The following CNTNAP2 variants were observed in gnomAD, a reference collection of about 807,000 sequenced individuals.
The protein encoded by CNTNAP2 is contactin associated protein 2.
CNTNAP2 carries 98 observed loss-of-function variants against 155.2 expected under a neutral mutation model. That is an observed-to-expected ratio of 0.63 (90% CI 0.54 to 0.75). The LOEUF (loss-of-function observed/expected upper bound fraction) is 0.75, where lower values mean the gene tolerates loss of function less well. Among genes scored for constraint, CNTNAP2 ranks in the 30% least tolerant of loss-of-function variants. CNTNAP2 has a pLI of 0.00. For missense variants in CNTNAP2, 1,727 were observed against 1,688.1 expected, an observed-to-expected ratio of 1.02 and a Z score of -0.40; for synonymous variants, 651 against 631.2, an observed-to-expected ratio of 1.03 and a Z score of -0.47.
chr7:146,374,206 A>G (rs1289474022), intron 1 of CNTNAP2, among the ~76,000 whole-genome samples: 1 of 152,212 alleles, frequency 6.6e-6, no homozygotes, highest in Non-Finnish European at 1.5e-5. Context: ...GTGGCTTTAA[A>G]TGTTCTAATT....
chr7:147,244,644 A>G (rs1804017710), intron 8 of CNTNAP2, among the ~76,000 whole-genome samples: 1 of 152,186 alleles, frequency 6.6e-6, no homozygotes, highest in Admixed American at 6.5e-5. Context: ...GATACACATA[A>G]CAAATAGGTA....
intron 10 of CNTNAP2, among the ~76,000 whole-genome samples, chr7:147,429,914 T>C (rs745719128): frequency 1.8e-4 from 27 of 152,286 alleles, no homozygotes; most frequent in Non-Finnish European, 3.5e-4. Flanking sequence ...GTTCCATTGG[T>C]GTACATCCTT....
At chr7:146,928,918 A>G (rs1273438650) in intron 3 of CNTNAP2, among the ~76,000 whole-genome samples, 4 of 152,212 alleles carry the variant, frequency 2.6e-5, no homozygotes, top group Non-Finnish European at 5.9e-5. Context: ...TTGCTTAGGT[A>G]AACAAAGCAG....
At chr7:148,128,542 T>A (rs935397431) in intron 16 of CNTNAP2, among the ~76,000 whole-genome samples, 1 of 152,144 alleles carries the variant, frequency 6.6e-6, no homozygotes, top group Non-Finnish European at 1.5e-5. Flanking sequence ...TTAATAAATA[T>A]TAAAAGATAT....
chr7:146,569,001 T>A lies in CNTNAP2; in HGVS notation c.98-205270T>A, dbSNP rs543313226. On this transcript the variant is annotated intron_variant, in intron 1 of 23. Transcript: ENST00000361727. ...TGTGGTTACTTCTTTTTATTTTTTT[T>A]ATTTTTAATTATTTATTTATTTATT... Among the ~76,000 whole-genome samples, 34 of 151,650 alleles carry A rather than the reference T, an allele frequency of 2.2e-4. 1 individual carries two copies. The East Asian group carries it at 5.6e-3, about 25-fold the overall frequency.
intron 9 of CNTNAP2, among the ~76,000 whole-genome samples, chr7:147,315,992 T>C (rs1400316532): frequency 6.6e-6 from 1 of 152,088 alleles, no homozygotes; most frequent in Non-Finnish European, 1.5e-5. Flanking sequence ...TATGAGACAC[T>C]TATTCATTCA....
intron 8 of CNTNAP2, among the ~76,000 whole-genome samples, chr7:147,167,030 G>T (rs896335584): frequency 6.6e-6 from 1 of 152,002 alleles, no homozygotes; most frequent in Non-Finnish European, 1.5e-5. Context: ...AGGCTGCTTT[G>T]TTTTTTTAAT....
chr7:147,565,435 A>G (rs1800151833), intron 12 of CNTNAP2, among the ~76,000 whole-genome samples: 1 of 152,152 alleles, frequency 6.6e-6, no homozygotes, highest in Non-Finnish European at 1.5e-5. Flanking sequence ...TTTAAGCAGG[A>G]AAATAAGATC....
chr7:146,724,124 A>C (rs2129178117), intron 1 of CNTNAP2, among the ~76,000 whole-genome samples: 1 of 152,296 alleles, frequency 6.6e-6, no homozygotes, highest in East Asian at 1.9e-4. Flanking sequence ...GAGAAACTGA[A>C]GAATCAACAC....
chr7:146,123,820 T>A (rs747038724), intron 1 of CNTNAP2, among the ~76,000 whole-genome samples: 5 of 152,182 alleles, frequency 3.3e-5, no homozygotes, highest in Non-Finnish European at 7.3e-5. Flanking sequence ...GGTGCTTCTA[T>A]TTTTAATAGA....
At chr7:147,751,574 T>C (rs1797136549) in intron 13 of CNTNAP2, among the ~76,000 whole-genome samples, 1 of 152,220 alleles carries the variant, frequency 6.6e-6, no homozygotes, top group African/African-American at 2.4e-5. Context: ...CATCGTCCCT[T>C]AACACCAAGA....
chr7:146,291,441 C>T (rs975021095), intron 1 of CNTNAP2, among the ~76,000 whole-genome samples: 1 of 152,164 alleles, frequency 6.6e-6, no homozygotes, highest in Non-Finnish European at 1.5e-5. Flanking sequence ...GGAACACAGC[C>T]ATCCCCATTT....
chr7:146,770,079 A>G (rs565224803), intron 1 of CNTNAP2, among the ~76,000 whole-genome samples: 3 of 152,298 alleles, frequency 2.0e-5, no homozygotes, highest in Admixed American at 2.0e-4. Flanking sequence ...TCAACTAACA[A>G]CAACCCTACA....
chr7:147,555,701 G>A (rs1165150870), intron 11 of CNTNAP2, among the ~76,000 whole-genome samples: 2 of 152,110 alleles, frequency 1.3e-5, no homozygotes, highest in East Asian at 3.9e-4. Context: ...TTCTCACATG[G>A]GTTAATACCC....
rs748687668 is a variant in CNTNAP2, at chr7:147,980,521, GT to G, written c.2383+2533del. Among the ~76,000 whole-genome samples, 57 of 152,282 alleles carry G rather than the reference GT, an allele frequency of 3.7e-4. 1 individual carries two copies. The highest frequency in any genetic ancestry group is 9.7e-4 in the East Asian group (5 of 5,176). On this transcript the variant is annotated intron_variant, in intron 15 of 23. Coordinates refer to ENST00000361727, the MANE Select transcript of CNTNAP2 (RefSeq NM_014141.6). ...TTATGTAGAATACTTTTGTGTCTGT[GT>G]GAGAGAGAGAAATCTCATTGTTTTC...
intron 1 of CNTNAP2, among the ~76,000 whole-genome samples, chr7:146,676,381 T>C (rs1800397951): frequency 6.6e-6 from 1 of 152,042 alleles, no homozygotes; most frequent in African/African-American, 2.4e-5. Flanking sequence ...GATTACAACC[T>C]GGGAGCATTG....
At chr7:147,718,938 T>G (rs1796522107) in intron 13 of CNTNAP2, among the ~76,000 whole-genome samples, 1 of 152,168 alleles carries the variant, frequency 6.6e-6, no homozygotes, top group Admixed American at 6.5e-5. Flanking sequence ...TAAACACTTT[T>G]TAATAACTGT....
At chr7:148,307,613 G>T (rs1797511753) in intron 21 of CNTNAP2, among the ~76,000 whole-genome samples, 1 of 152,164 alleles carries the variant, frequency 6.6e-6, no homozygotes, top group South Asian at 2.1e-4. Flanking sequence ...AAATGTAGGT[G>T]CTCAATCCAC....
chr7:148,289,383 G>A (rs1195724730), intron 21 of CNTNAP2, among the ~76,000 whole-genome samples: 3 of 152,122 alleles, frequency 2.0e-5, no homozygotes, highest in Non-Finnish European at 2.9e-5. Context: ...CATGTCACTC[G>A]GATGGTACAC....
Sources: gnomAD v4.1 joint callset for allele counts (sites outside exome capture counted in the v4.1 genomes callset) on GRCh38, gnomAD v4.1.1 for gene constraint, MANE v1.5 for transcripts, NCBI Gene and HGNC (gene_info 2026-07-23, HGNC 2026-07-21) for gene names.